CACNA1E: variants seen among roughly 807,000 people sequenced by gnomAD.
The protein encoded by CACNA1E is calcium voltage-gated channel subunit alpha1 E, also known as voltage-dependent R-type calcium channel subunit alpha-1E.
Under a neutral mutation model 259.2 loss-of-function variants are expected in CACNA1E, and 40 were observed. That is an observed-to-expected ratio of 0.15 (90% CI 0.12 to 0.20). CACNA1E has a LOEUF of 0.20. Ranked by LOEUF, CACNA1E falls within the 10% of genes least tolerant of loss-of-function variation. CACNA1E has a pLI of 1.00. For missense variants in CACNA1E, 1,874 were observed against 3,040.1 expected (o/e 0.62, Z 9.02); for synonymous variants, 1,104 against 1,138.5 (o/e 0.97, Z 0.61).
At chr1:181,426,785 C>T (rs1378628879) in intron 2 of CACNA1E, among the ~76,000 whole-genome samples, 5 of 148,442 alleles carry the variant, frequency 3.4e-5, no homozygotes, top group Admixed American at 2.7e-4. Flanking sequence ...CCCTTCACAA[C>T]TCAACCCCTT....
At chr1:181,553,749 A>G (rs1473674055) in intron 3 of CACNA1E, among the ~76,000 whole-genome samples, 3 of 152,212 alleles carry the variant, frequency 2.0e-5, no homozygotes, top group Non-Finnish European at 4.4e-5. Context: ...TTCTGCATCT[A>G]TTGAGATAAT....
chr1:181,555,836 C>G (rs1477586108), intron 3 of CACNA1E, among the ~76,000 whole-genome samples: 1 of 152,196 alleles, frequency 6.6e-6, no homozygotes, highest in African/African-American at 2.4e-5. Context: ...GAATTCTTTT[C>G]TACCTGAACT....
intron 6 of CACNA1E, among the ~76,000 whole-genome samples, chr1:181,584,972 A>T (rs755856831): frequency 6.6e-6 from 1 of 152,116 alleles, no homozygotes; most frequent in African/African-American, 2.4e-5. Context: ...TGTAATTGTA[A>T]TTGGTATCCA....
At chr1:181,790,990 C>T (rs1042987301) in intron 44 of CACNA1E, among the ~76,000 whole-genome samples, 1 of 152,198 alleles carries the variant, frequency 6.6e-6, no homozygotes, top group African/African-American at 2.4e-5. Context: ...GTGATGCCCA[C>T]CTCCTCTAGA....
chr1:181,753,782 A>G (rs936450089), intron 27 of CACNA1E, among the ~76,000 whole-genome samples: 2 of 152,138 alleles, frequency 1.3e-5, no homozygotes, highest in Non-Finnish European at 2.9e-5. Flanking sequence ...CCTTTCAGCC[A>G]TTTAGCTCTG....
At chr1:181,531,964 T>A (rs1439653183) in intron 3 of CACNA1E, among the ~76,000 whole-genome samples, 4 of 152,068 alleles carry the variant, frequency 2.6e-5, no homozygotes, top group African/African-American at 7.2e-5. Context: ...GCTGAGGCAG[T>A]AGAATCACTT....
At chr1:181,580,113 T>C (rs549970077) in intron 5 of CACNA1E, among the ~76,000 whole-genome samples, 4 of 152,306 alleles carry the variant, frequency 2.6e-5, no homozygotes, top group Admixed American at 1.3e-4. Context: ...GATTTCTATT[T>C]TTTATTTTTA....
chr1:181,771,321 A>C lies in CACNA1E; in HGVS notation c.4910A>C (p.Glu1637Ala). 6.3e-7 allele frequency: 1 copy of C among 1,595,674 alleles called. No homozygotes were observed. The highest frequency in any genetic ancestry group is 8.6e-7 in the Non-Finnish European group (1 of 1,168,120). The change falls in exon 36 of 48, where the codon GAG becomes GCG. Residue 1637 changes from glutamate (E) to alanine (A), a missense_variant. Physicochemically the swap from Glu to Ala is moderately radical, Grantham distance 107. This residue lies in a region of CACNA1E where 147 missense variants were observed against 337.1 expected (regional missense o/e 0.44). Coordinates refer to ENST00000367573, the MANE Select transcript of CACNA1E (RefSeq NM_001205293.3). ...QVFGNIKLDE[E>A]SHINRHNNFR... Reference sequence around the variant, plus strand: ...TTTGGAAACATAAAATTAGACGAGGAGAGTCACATCAACCGGCACAACAAC... The same window carrying C: ...TTTGGAAACATAAAATTAGACGAGGCGAGTCACATCAACCGGCACAACAAC...
chr1:181,501,408 T>C (rs1665239645), intron 1 of CACNA1E, among the ~76,000 whole-genome samples: 1 of 152,222 alleles, frequency 6.6e-6, no homozygotes, highest in Non-Finnish European at 1.5e-5. Flanking sequence ...GTGCACTTCC[T>C]TTCAGCCACT....
In CACNA1E at chr1:181,473,357, G is replaced by A. The variant is rs76113124; in HGVS notation, c.435-10387G>A. ...ACCATGCTAATTATGCATAAATTAT[G>A]GGCAATAGCATACCCTTTGAATTTT... is the stretch of plus-strand genomic sequence containing the variant. On this transcript the variant is annotated intron_variant, in intron 2 of 11. Transcript: ENST00000524607. Among the ~76,000 whole-genome samples the A allele has an allele frequency of 1.2e-3, 180 of 152,270 alleles. 7 individuals are homozygous for A. The East Asian group carries it at 0.03, about 25-fold the overall frequency.
At chr1:181,650,655 G>A (rs574124783) in intron 6 of CACNA1E, among the ~76,000 whole-genome samples, 1 of 152,270 alleles carries the variant, frequency 6.6e-6, no homozygotes, top group Admixed American at 6.5e-5. Context: ...ACCATTCAAG[G>A]GTCTTGCATC....
intron 3 of CACNA1E, among the ~76,000 whole-genome samples, chr1:181,564,269 T>C (rs774003282): frequency 3.9e-5 from 6 of 152,232 alleles, no homozygotes; most frequent in Non-Finnish European, 7.3e-5. Context: ...TCTCTCAAAC[T>C]CTGCTGCTGC....
intron 1 of CACNA1E, among the ~76,000 whole-genome samples, chr1:181,376,156 A>G (rs946865279): frequency 6.6e-6 from 1 of 152,210 alleles, no homozygotes; most frequent in Non-Finnish European, 1.5e-5. Flanking sequence ...CTGTAGGAAG[A>G]ATTCATGGTA....
At chr1:181,445,894 A>G (rs1660760909) in intron 2 of CACNA1E, among the ~76,000 whole-genome samples, 1 of 152,218 alleles carries the variant, frequency 6.6e-6, no homozygotes, top group Non-Finnish European at 1.5e-5. Context: ...AAGAATCCCC[A>G]GCAACCCCAG....
At position 181,800,978 on chromosome 1, in the gene CACNA1E, G is replaced by A. The variant is rs984840332; in HGVS notation, c.*2144G>A. ...CCACTTAGCACATGTGTGCTTGAGG[G>A]TGGCTGGGAATGTGATATACAGCAC... On this transcript the variant is annotated 3_prime_UTR_variant, in exon 48 of 48. Transcript: ENST00000367573. The A allele has an allele frequency of 2.0e-5, 3 of 152,638 alleles. No homozygotes were observed. The highest frequency in any genetic ancestry group is 4.4e-5 in the Non-Finnish European group (3 of 68,040). 9.5% of individuals were successfully genotyped at this position (152,638 alleles called of 1,614,324 possible).
intron 43 of CACNA1E, among the ~76,000 whole-genome samples, chr1:181,787,059 G>T (rs1284849086): frequency 6.6e-6 from 1 of 152,060 alleles, no homozygotes; most frequent in East Asian, 1.9e-4. Context: ...AGGAGGGAGG[G>T]AGGGAAAGAA....
chr1:181,751,838 T>C (rs1657624963), intron 26 of CACNA1E: 2 of 497,386 alleles, frequency 4.0e-6, no homozygotes, highest in South Asian at 3.5e-5. Flanking sequence ...AGGAAGTGTT[T>C]ATTAACATAT....
chr1:181,725,690 A>G (rs1654840211), intron 17 of CACNA1E, among the ~76,000 whole-genome samples: 3 of 152,172 alleles, frequency 2.0e-5, no homozygotes, highest in Admixed American at 2.0e-4. Flanking sequence ...CTGCTCCATC[A>G]CTTCCAGACA....
At chr1:181,406,477 A>C (rs1405934345) in intron 1 of CACNA1E, among the ~76,000 whole-genome samples, 1 of 151,818 alleles carries the variant, frequency 6.6e-6, no homozygotes, top group African/African-American at 2.4e-5. Context: ...GCTTGCTATA[A>C]CTTCTACCTC....
Sources: allele counts gnomAD v4.1 joint callset (sites outside exome capture counted in the v4.1 genomes callset), GRCh38; gene constraint gnomAD v4.1.1; regional missense constraint gnomAD v4.1.1; transcripts MANE v1.5; gene names NCBI Gene and HGNC (gene_info 2026-07-23, HGNC 2026-07-21).